ZZEF1: variants seen among roughly 807,000 people sequenced by gnomAD.
The protein encoded by ZZEF1 is zinc finger ZZ-type and EF-hand domain-containing protein 1.
Under a neutral mutation model 342.8 loss-of-function variants are expected in ZZEF1, and 157 were observed. The observed-to-expected ratio is 0.46, with a 90% confidence interval of 0.40 to 0.52. The LOEUF is 0.52. Ranked by LOEUF, ZZEF1 falls within the 20% of genes least tolerant of loss-of-function variation. The probability of loss-of-function intolerance (pLI) is 0.00; values close to 1 mark genes in which losing one functional copy is unlikely to be tolerated. For synonymous variants in ZZEF1, 1,505 were observed against 1,429.1 expected, an observed-to-expected ratio of 1.05 and a Z score of -1.20; for missense variants, 3,480 against 3,725.6, an observed-to-expected ratio of 0.93 and a Z score of 1.72.
At position 4,014,619 on chromosome 17, in the gene ZZEF1, T is replaced by C; in HGVS notation, c.8146-104A>G. ...GTGGCTGGACCCGGGTGTGTGAGAA[T>C]GAGTGAACCACAGCCCTGGCCTCCA... On this transcript the variant is annotated intron_variant, in intron 49 of 54. Transcript: ENST00000381638. This position sits in a 1 kb window ranked among gnomAD's most constrained non-coding sequence, Gnocchi z 4.4. The C allele has an allele frequency of 8.1e-7, 1 of 1,230,258 alleles. No individual in the cohort carries two copies. Among genetic ancestry groups the C allele is most frequent in the Non-Finnish European group, 1.2e-6 (1 of 852,802 alleles). 76.2% of individuals were successfully genotyped at this position (1,230,258 alleles called of 1,614,324 possible). A position where few individuals can be genotyped will look rare whatever the true frequency, so the allele number is the denominator to read the frequency against.
At chr17:4,119,759 C>A (rs1333258497) in intron 2 of ZZEF1, among the ~76,000 whole-genome samples, 1 of 152,238 alleles carries the variant, frequency 6.6e-6, no homozygotes, top group African/African-American at 2.4e-5. Flanking sequence ...AGCTCATCCT[C>A]TTCTTTCATC....
intron 36 of ZZEF1, 140 bp from the exon 37 acceptor site, chr17:4,049,999 G>C (rs2057011270): frequency 1.1e-6 from 1 of 911,446 alleles, no homozygotes; most frequent in African/African-American, 1.7e-5. Flanking sequence ...GACTCAACGT[G>C]AACATCCCTC....
chr17:4,124,928 C>T (rs768004235), intron 1 of ZZEF1, among the ~76,000 whole-genome samples: 6 of 152,214 alleles, frequency 3.9e-5, no homozygotes, highest in Non-Finnish European at 8.8e-5. Context: ...CACTACTCTG[C>T]TATGTGACCT....
At chr17:4,120,358 GAA>G (rs879317172) in intron 2 of ZZEF1, among the ~76,000 whole-genome samples, 2 of 132,150 alleles carry the variant, frequency 1.5e-5, no homozygotes, top group Admixed American at 1.5e-4. Flanking sequence ...TTCCGTCTCA[GAA>G]AAAAAAAAAA....
rs2056034853 is a variant in ZZEF1 at position 4,014,002 on chromosome 17, T to TAACC, written c.8413+84_8413+87dup. On this transcript the variant is annotated intron_variant, in intron 51 of 54. Coordinates refer to ENST00000381638, the MANE Select transcript of ZZEF1 (RefSeq NM_015113.4). This position sits in a 1 kb window ranked among gnomAD's most constrained non-coding sequence, Gnocchi z 4.4. ...GAGAGACAAGTACCTGCTTTGATTT[T>TAACC]AACCAAGATCAGTGACATCATGGCA... 5 of 1,296,562 alleles carry TAACC rather than the reference T, an allele frequency of 3.9e-6. No homozygotes were observed. Among genetic ancestry groups the TAACC allele is most frequent in the Non-Finnish European group, 4.4e-6 (4 of 910,088 alleles). 80.3% of individuals were successfully genotyped at this position (1,296,562 alleles called of 1,614,324 possible).
chr17:4,102,341 G>C lies in ZZEF1; in HGVS notation c.1648C>G (p.Leu550Val), dbSNP rs768952058. The change falls in exon 9 of 55, where the codon CTT becomes GTT. Residue 550 changes from leucine (L) to valine (V), a missense_variant. This residue lies in a region of ZZEF1 where 1,528 missense variants were observed against 1,624.1 expected (regional missense o/e 0.94). Coordinates refer to ENST00000381638, the MANE Select transcript of ZZEF1 (RefSeq NM_015113.4). ...CCATCCCTTGTCCACGGTTCAACAAGGAGGTTTTCGGGTCCAGACTTATCT... is the reference window on the plus strand; with the variant it reads ...CCATCCCTTGTCCACGGTTCAACAACGAGGTTTTCGGGTCCAGACTTATCT... ...KEDKSGPENL[L>V]VEPWTRDGFL... 1.2e-6 allele frequency: 2 copies of C among 1,613,908 alleles called. No homozygotes were observed. The highest frequency in any genetic ancestry group is 3.3e-5 in the Admixed American group (2 of 60,016).
chr17:4,023,183 C>G (rs1426183453), intron 43 of ZZEF1, among the ~76,000 whole-genome samples: 3 of 152,218 alleles, frequency 2.0e-5, no homozygotes, highest in Non-Finnish European at 2.9e-5. Context: ...GCTACTCACT[C>G]CGCGTGTAAT....
intron 9 of ZZEF1, among the ~76,000 whole-genome samples, chr17:4,097,854 G>C (rs1252624379): frequency 1.3e-5 from 2 of 151,064 alleles, no homozygotes; most frequent in Non-Finnish European, 2.9e-5. Flanking sequence ...CCAGCACTTT[G>C]GGAGGCTGAG....
At chr17:4,059,834 C>T (rs2057246948) in intron 30 of ZZEF1, among the ~76,000 whole-genome samples, 1 of 152,232 alleles carries the variant, frequency 6.6e-6, no homozygotes, top group Admixed American at 6.5e-5. Flanking sequence ...ATTTCCTGGA[C>T]CTTGTTATCA....
chr17:4,141,267 A>G (rs1179384769), intron 1 of ZZEF1, among the ~76,000 whole-genome samples: 1 of 152,214 alleles, frequency 6.6e-6, no homozygotes, highest in Non-Finnish European at 1.5e-5. Context: ...TAAGAAACAC[A>G]CAAACTACAT....
At chr17:4,086,288 AATCCCTTTCT>A (rs1567828233) in intron 15 of ZZEF1, among the ~76,000 whole-genome samples, 188 bp downstream of exon 15, 34 of 26,576 alleles carry the variant, frequency 1.3e-3, no homozygotes, top group African/African-American at 3.5e-3. Context: ...CCACAGCGGC[AATCCCTTTCT>A]GGGGGATTCC....
rs775641730 is a variant in ZZEF1 at position 4,074,355 on chromosome 17, G to C, written c.3484-4C>G. 14 of 1,613,996 alleles carry C rather than the reference G, an allele frequency of 8.7e-6. No homozygotes were observed. Among genetic ancestry groups the C allele is most frequent in the Non-Finnish European group, 1.2e-5 (14 of 1,180,010 alleles). On this transcript the variant is annotated splice_polypyrimidine_tract_variant and splice_region_variant and intron_variant, in intron 23 of 54. Coordinates refer to ENST00000381638, the MANE Select transcript of ZZEF1 (RefSeq NM_015113.4). ...GACCGGCCTTGAAGGTCACTTTCTA[G>C]AGACAAACAGAAATCATGTGGTCAG...
At position 4,142,539 on chromosome 17, in the gene ZZEF1, G is replaced by A; in HGVS notation, c.354+3C>T. On this transcript the variant is annotated splice_donor_region_variant and intron_variant, in intron 1 of 54. Coordinates refer to ENST00000381638, the MANE Select transcript of ZZEF1 (RefSeq NM_015113.4). ...ATCCCCGCAGTCGCCTGCCGGCCCT[G>A]ACCTCCTCGAACTGCTCGCTAGAGC... is the stretch of plus-strand genomic sequence containing the variant. 4.4e-6 allele frequency: 7 copies of A among 1,593,350 alleles called. No individual in the cohort carries two copies. The highest frequency in any genetic ancestry group is 6.0e-6 in the Non-Finnish European group (7 of 1,176,276).
rs2057415318 is a variant in ZZEF1, at chr17:4,067,106, T to C, written c.4155+57A>G. 3 of 1,399,608 alleles carry C rather than the reference T, an allele frequency of 2.1e-6. No individual in the cohort carries two copies. The South Asian group carries it at 3.6e-5, about 17-fold the overall frequency. The allele number at this position is 1,399,608 out of a possible 1,614,324, so 86.7% of individuals were successfully genotyped here. ...AAGAGAACAATTCATCTTAATTCCATGATATCACGGTAGAAAACCTAAAAT... is the reference window on the plus strand; with the variant it reads ...AAGAGAACAATTCATCTTAATTCCACGATATCACGGTAGAAAACCTAAAAT... On this transcript the variant is annotated intron_variant, in intron 27 of 54. Transcript: ENST00000381638.
rs962183694 is a variant in ZZEF1 at position 4,017,257 on chromosome 17, A to G, written c.8001+114T>C. The stretch of plus-strand genomic sequence containing the variant: ...TACCTTTGCTGCATTCACACCTGTC[A>G]GGGAGCTGCACAGCCACACAGGTAG... On this transcript the variant is annotated intron_variant, in intron 48 of 54. Coordinates refer to ENST00000381638, the MANE Select transcript of ZZEF1 (RefSeq NM_015113.4). The surrounding 1 kb of genome is among the most constrained non-coding windows in gnomAD (Gnocchi z 5.1). 2.8e-6 allele frequency: 4 copies of G among 1,417,352 alleles called. No individual in the cohort carries two copies. Among genetic ancestry groups the G allele is most frequent in the Non-Finnish European group, 3.8e-6 (4 of 1,055,726 alleles). 87.8% of individuals were successfully genotyped at this position (1,417,352 alleles called of 1,614,324 possible).
intron 16 of ZZEF1, among the ~76,000 whole-genome samples, chr17:4,083,567 G>A (rs547812368): frequency 1.5e-4 from 23 of 151,788 alleles, no homozygotes; most frequent in Middle Eastern, 3.5e-3. Context: ...TTTTCCTTGC[G>A]GCAGGTGTCC....
At chr17:4,013,739 A>T in intron 51 of ZZEF1, 125 bp from the exon 52 acceptor site, 1 of 1,089,182 alleles carries the variant, frequency 9.2e-7, no homozygotes, top group Non-Finnish European at 1.3e-6. Flanking sequence ...TCAAATTTTA[A>T]TAACTGTGAT....
Position 4,067,174 on chromosome 17 carries a change from G to T in ZZEF1, c.4144C>A (p.Arg1382=). The T allele has an allele frequency of 1.2e-6, 2 of 1,612,298 alleles. No homozygotes were observed. Among genetic ancestry groups the T allele is most frequent in the South Asian group, 1.1e-5 (1 of 90,750 alleles). Residue 1382 remains arginine, a synonymous_variant, in exon 27 of 55, where the codon CGA becomes AGA. Transcript: ENST00000381638. The part of the protein sequence containing the change: ...AQVYSLADGI[R]IWMLEMKQKS... ...AAAGAAAATCTTACCATCCATATTC[G>T]AATCCCATCTGCCAAGGAATAAACC... is the stretch of plus-strand genomic sequence containing the variant.
At chr17:4,103,374 T>C (rs2058158100) in intron 8 of ZZEF1, among the ~76,000 whole-genome samples, 1 of 145,452 alleles carries the variant, frequency 6.9e-6, no homozygotes, top group African/African-American at 2.6e-5. Context: ...GAGAGCTCAT[T>C]TCTAAAAAAA....
Sources: gnomAD v4.1 joint callset for allele counts (sites outside exome capture counted in the v4.1 genomes callset) on GRCh38, gnomAD v4.1.1 for gene constraint, gnomAD v4.1.1 regional missense constraint, Gnocchi (gnomAD v3.1) non-coding constraint, MANE v1.5 for transcripts, NCBI Gene and HGNC (gene_info 2026-07-23, HGNC 2026-07-21) for gene names.